The following PDE8B variants were observed in gnomAD, a reference collection of about 807,000 sequenced individuals.
PDE8B encodes phosphodiesterase 8B, also known as high affinity cAMP-specific and IBMX-insensitive 3',5'-cyclic phosphodiesterase 8B.
In PDE8B, 26 loss-of-function variants were observed where a neutral mutation model predicts 101.3. That is an observed-to-expected ratio of 0.26 (90% CI 0.19 to 0.36). The LOEUF is 0.36. Among genes scored for constraint, PDE8B ranks in the 10% least tolerant of loss-of-function variants. PDE8B has a pLI of 1.00. For missense variants in PDE8B, 810 were observed against 1,163.1 expected, an observed-to-expected ratio of 0.70 and a Z score of 4.42; for synonymous variants, 424 against 429.3, an observed-to-expected ratio of 0.99 and a Z score of 0.15.
intron 10 of PDE8B, among the ~76,000 whole-genome samples, chr5:77,381,074 G>C (rs114168881): frequency 6.6e-6 from 1 of 152,326 alleles, no homozygotes; most frequent in African/African-American, 2.4e-5. Context: ...GTGGGGATCA[G>C]AGGTGCACCT....
chr5:77,279,454 A>G (rs1483544547), intron 1 of PDE8B, among the ~76,000 whole-genome samples: 2 of 152,164 alleles, frequency 1.3e-5, no homozygotes, highest in Non-Finnish European at 2.9e-5. Context: ...TGGAAAGTGC[A>G]CTGTCCTTAT....
chr5:77,134,080 C>T, the PDE8B span, among the ~76,000 whole-genome samples: 3 of 152,242 alleles, frequency 2.0e-5, no homozygotes, highest in South Asian at 2.1e-4. Flanking sequence ...ATCACTTCAT[C>T]GCAAAGGAGG....
chr5:77,169,265 G>A, the PDE8B span, among the ~76,000 whole-genome samples: 2 of 152,244 alleles, frequency 1.3e-5, no homozygotes, highest in Non-Finnish European at 2.9e-5. Context: ...CATAATAGCA[G>A]GGGCGCAGTT....
Position 77,426,340 on chromosome 5 carries a change from C to T in PDE8B, c.2549-105C>T, listed in dbSNP as rs1006476476. 2.4e-5 allele frequency: 18 copies of T among 749,696 alleles called. No individual in the cohort carries two copies. The South Asian group carries it at 2.7e-4, about 11-fold the overall frequency. The allele number at this position is 749,696 out of a possible 1,614,324, so 46.4% of individuals were successfully genotyped here. On this transcript the variant is annotated intron_variant, in intron 21 of 21. Transcript: ENST00000264917. ...TCCTCATGCTTCGCCCAGGGTGTGC[C>T]TCCTCTAATTCTGATCCCAAACTTG...
chr5:77,148,132 A>G, the PDE8B span: 8 of 152,328 alleles, frequency 5.3e-5, no homozygotes, highest in South Asian at 1.7e-3. Context: ...CAAATACTTT[A>G]AAACTGTTAA....
the PDE8B span, among the ~76,000 whole-genome samples, chr5:77,091,361 C>T: frequency 6.6e-6 from 1 of 152,018 alleles, no homozygotes; most frequent in East Asian, 1.9e-4. Flanking sequence ...TATAAATGGC[C>T]AGGTGCAGTG....
rs898847016 is a variant in PDE8B at position 77,362,585 on chromosome 5, A to G, written c.1167+9179A>G. Among the ~76,000 whole-genome samples, 3 of 152,148 alleles carry G rather than the reference A, an allele frequency of 2.0e-5. 1 individual carries two copies. Among genetic ancestry groups the G allele is most frequent in the Non-Finnish European group, 2.9e-5 (2 of 68,022 alleles). ...TCTTAGCAGCATACTGTTGACTACT[A>G]TCCTATCTGGTCCCCAGTCCTCATT... On this transcript the variant is annotated intron_variant, in intron 10 of 21. Coordinates refer to ENST00000264917, the MANE Select transcript of PDE8B (RefSeq NM_003719.5).
At chr5:77,171,078 C>T in the PDE8B span, among the ~76,000 whole-genome samples, 1 of 152,230 alleles carries the variant, frequency 6.6e-6, no homozygotes, top group East Asian at 1.9e-4. Flanking sequence ...CTCCAAGTAT[C>T]TAGAGGAAAA....
At chr5:77,189,261 TA>T in the PDE8B span, among the ~76,000 whole-genome samples, 13 of 152,266 alleles carry the variant, frequency 8.5e-5, no homozygotes, top group African/African-American at 2.4e-4. Context: ...AGTGAGCATC[TA>T]ATATATGCCA....
At chr5:77,347,071 A>G (rs1780274461) in intron 7 of PDE8B, among the ~76,000 whole-genome samples, 2 of 152,088 alleles carry the variant, frequency 1.3e-5, no homozygotes, top group Admixed American at 1.3e-4. Flanking sequence ...CTATCCACCC[A>G]TCCATTCCTC....
rs777398048 is a variant in PDE8B at position 77,426,497 on chromosome 5, C to T, written c.2601C>T (p.His867=). 8.7e-6 allele frequency: 14 copies of T among 1,613,852 alleles called. No individual in the cohort carries two copies. In the East Asian group the frequency reaches 1.1e-4, roughly 13 times the overall value. The change falls in exon 22 of 22, where the codon CAC becomes CAT. Residue 867 remains histidine, a synonymous_variant. Transcript: ENST00000264917. ...AACATTTGGCTGACAACTACAAACA[C>T]TGGAAGACACTAGATGACCTAAAGT... ...LMQHLADNYK[H]WKTLDDLKCK...
At chr5:77,202,948 T>C in the PDE8B span, among the ~76,000 whole-genome samples, 6 of 152,248 alleles carry the variant, frequency 3.9e-5, no homozygotes, top group Admixed American at 6.5e-5. Context: ...GATTTTCGAC[T>C]GTGTAGCAGT....
chr5:77,341,567 G>A (rs1216664508), intron 6 of PDE8B, among the ~76,000 whole-genome samples: 3 of 152,196 alleles, frequency 2.0e-5, no homozygotes, highest in African/African-American at 7.2e-5. Flanking sequence ...GATAAAATGT[G>A]TTAATTAAAG....
chr5:77,367,678 G>A (rs1267951483), intron 10 of PDE8B, among the ~76,000 whole-genome samples: 3 of 151,816 alleles, frequency 2.0e-5, no homozygotes, highest in South Asian at 2.1e-4. Flanking sequence ...CTACAGGCAC[G>A]CACCACCATG....
intron 9 of PDE8B, among the ~76,000 whole-genome samples, chr5:77,352,211 T>G (rs11749079): frequency 0.21 from 31,254 of 152,218 alleles, 3,704 homozygotes; most frequent in Middle Eastern, 0.34. Flanking sequence ...CAGCCTGGCC[T>G]CAGCGTGGCC....
At chr5:77,388,989 G>A (rs1402757355) in intron 10 of PDE8B, among the ~76,000 whole-genome samples, 1 of 152,192 alleles carries the variant, frequency 6.6e-6, no homozygotes, top group Non-Finnish European at 1.5e-5. Context: ...TCAGGCCAGT[G>A]GATCTGAGCT....
chr5:77,256,250 G>T (rs778781604), intron 1 of PDE8B, among the ~76,000 whole-genome samples: 2 of 152,038 alleles, frequency 1.3e-5, no homozygotes, highest in African/African-American at 2.4e-5. Context: ...GTTTACATTG[G>T]GTACGTATAT....
rs182079315 is a variant in PDE8B, at chr5:77,394,295, T to A, written c.1168-5953T>A. 9.2e-5 allele frequency among the ~76,000 whole-genome samples: 14 copies of A among 152,192 alleles called. 1 individual carries two copies. The highest frequency in any genetic ancestry group is 3.4e-4 in the African/African-American group (14 of 41,546). On this transcript the variant is annotated intron_variant, in intron 10 of 21. Coordinates refer to ENST00000264917, the MANE Select transcript of PDE8B (RefSeq NM_003719.5). ...GTCAGGCACTGTAGAATCCAGCAGC[T>A]CCTCACACAGTTTCAGAGTCAGTCC...
At chr5:77,400,005 A>G (rs903323834) in intron 10 of PDE8B, among the ~76,000 whole-genome samples, 2 of 152,190 alleles carry the variant, frequency 1.3e-5, no homozygotes, top group Non-Finnish European at 2.9e-5. Context: ...TCCTGTCTAG[A>G]GAGTATGTGC....
Sources: allele counts gnomAD v4.1 joint callset (sites outside exome capture counted in the v4.1 genomes callset), GRCh38; gene constraint gnomAD v4.1.1; transcripts MANE v1.5; gene names NCBI Gene and HGNC (gene_info 2026-07-23, HGNC 2026-07-21).